The following VAV1 variants were observed in gnomAD, a reference collection of about 807,000 sequenced individuals.
The protein encoded by VAV1 is proto-oncogene vav.
Under a neutral mutation model 128.1 loss-of-function variants are expected in VAV1, and 33 were observed. The ratio of observed to expected loss-of-function variants is 0.26; its 90% confidence interval spans 0.20 to 0.34. The LOEUF is 0.34. VAV1 is among the 10% of genes least tolerant of loss of function. VAV1 has a pLI of 1.00. For synonymous variants in VAV1, 394 were observed against 409.8 expected (o/e 0.96, Z 0.47); for missense variants, 715 against 1,093.7 (o/e 0.65, Z 4.88).
At chr19:6,848,743 T>C (rs558823221) in intron 23 of VAV1, among the ~76,000 whole-genome samples, 130 of 151,778 alleles carry the variant, frequency 8.6e-4, no homozygotes, top group Non-Finnish European at 1.1e-3. Flanking sequence ...ATATATGTTT[T>C]TTCTTTTTTT....
intron 23 of VAV1, among the ~76,000 whole-genome samples, chr19:6,849,857 C>T (rs10424474): frequency 0.028 from 4,327 of 152,150 alleles, 213 homozygotes; most frequent in African/African-American, 0.099. Flanking sequence ...CTGGGTCGAT[C>T]CATGTCTTTG....
intron 1 of VAV1, among the ~76,000 whole-genome samples, chr19:6,785,876 C>A (rs1435143988): frequency 6.6e-6 from 1 of 151,946 alleles, no homozygotes; most frequent in Non-Finnish European, 1.5e-5. Context: ...GCCAGCTGGT[C>A]TTGAACTCAT....
At chr19:6,837,133 C>A (rs763059084) in intron 21 of VAV1, 83 bp downstream of exon 21, 279 of 1,455,060 alleles carry the variant, frequency 1.9e-4, no homozygotes, top group Non-Finnish European at 2.4e-4. Context: ...GAAAGACACC[C>A]CCGGAGTTGG....
intron 1 of VAV1, among the ~76,000 whole-genome samples, chr19:6,806,452 G>A (rs1354094033): frequency 6.6e-6 from 1 of 152,120 alleles, no homozygotes; most frequent in Non-Finnish European, 1.5e-5. Flanking sequence ...ACTCGTATGT[G>A]GGTTTTAAGT....
intron 22 of VAV1, among the ~76,000 whole-genome samples, chr19:6,844,643 A>C (rs1279082486): frequency 6.6e-6 from 1 of 152,096 alleles, no homozygotes; most frequent in Non-Finnish European, 1.5e-5. Context: ...AGGCAAAACC[A>C]GTTGCCGAGG....
intron 14 of VAV1, among the ~76,000 whole-genome samples, chr19:6,831,339 G>A (rs1325190489): frequency 2.0e-5 from 3 of 152,028 alleles, no homozygotes; most frequent in South Asian, 4.2e-4. Context: ...TTGAGACGGA[G>A]CCTCGCTCTG....
intron 6 of VAV1, among the ~76,000 whole-genome samples, chr19:6,824,463 A>G (rs1186934859): frequency 6.6e-6 from 1 of 152,078 alleles, no homozygotes; most frequent in African/African-American, 2.4e-5. Flanking sequence ...GTTCATCCAC[A>G]TTGTAGCCTG....
intron 1 of VAV1, among the ~76,000 whole-genome samples, chr19:6,814,673 T>TTTCTTTCTTTC (rs1971592254): frequency 1.1e-5 from 1 of 93,006 alleles, no homozygotes. Context: ...CCTTCCTTCC[T>TTTCTTTCTTTC]TTCTTTCTTT....
intron 19 of VAV1, among the ~76,000 whole-genome samples, chr19:6,834,323 AACCTCC>A (rs1972165955): frequency 6.7e-6 from 1 of 150,224 alleles, no homozygotes. Flanking sequence ...GGCTCACTAC[AACCTCC>A]ACCTCCCAAG....
chr19:6,810,015 A>T, intron 1 of VAV1, among the ~76,000 whole-genome samples: 1 of 152,082 alleles, frequency 6.6e-6, no homozygotes, highest in East Asian at 1.9e-4. Context: ...TACAAAAAAT[A>T]AAAATAAAAA....
chr19:6,852,255 A>T (rs111872116), intron 24 of VAV1, among the ~76,000 whole-genome samples: 1 of 152,086 alleles, frequency 6.6e-6, no homozygotes, highest in African/African-American at 2.4e-5. Flanking sequence ...CTTCAAGTGA[A>T]CTTCCCACCT....
intron 8 of VAV1, 132 bp downstream of exon 8, chr19:6,825,538 T>C: frequency 1.4e-6 from 1 of 699,764 alleles, no homozygotes; most frequent in Non-Finnish European, 2.4e-6. Context: ...GGCGAGGGGC[T>C]GCCCATCTCT....
chr19:6,844,697 C>T (rs1169144889), intron 22 of VAV1, among the ~76,000 whole-genome samples: 1 of 152,138 alleles, frequency 6.6e-6, no homozygotes, highest in Non-Finnish European at 1.5e-5. Context: ...GAATCGTGCT[C>T]TCCTGCGTTA....
intron 1 of VAV1, among the ~76,000 whole-genome samples, chr19:6,817,763 C>T (rs432280): frequency 0.027 from 4,116 of 152,032 alleles, 85 homozygotes; most frequent in Non-Finnish European, 0.044. Context: ...CGTGGCTCAC[C>T]GCAGCCTCCA....
intron 22 of VAV1, among the ~76,000 whole-genome samples, chr19:6,845,867 T>A (rs1972507953): frequency 6.8e-6 from 1 of 148,138 alleles, no homozygotes; most frequent in South Asian, 2.2e-4. Flanking sequence ...ATACCATATA[T>A]CATAGTATAT....
chr19:6,839,849 C>T (rs1972326921), intron 21 of VAV1, among the ~76,000 whole-genome samples: 1 of 151,974 alleles, frequency 6.6e-6, no homozygotes, highest in Admixed American at 6.6e-5. Context: ...TACCACCATG[C>T]CTGGCTAATT....
intron 1 of VAV1, among the ~76,000 whole-genome samples, chr19:6,808,991 C>T (rs1318835027): frequency 6.6e-6 from 1 of 151,940 alleles, no homozygotes; most frequent in African/African-American, 2.4e-5. Context: ...AAGAAAGCAA[C>T]AGGAGAAGTT....
chr19:6,843,809 G>A (rs1972440795), intron 22 of VAV1, among the ~76,000 whole-genome samples: 1 of 148,472 alleles, frequency 6.7e-6, no homozygotes, highest in Non-Finnish European at 1.5e-5. Flanking sequence ...ATGCATGGTT[G>A]TTTTTTTTTT....
chr19:6,813,766 T>C (rs932599532), intron 1 of VAV1, among the ~76,000 whole-genome samples: 23 of 152,076 alleles, frequency 1.5e-4, no homozygotes, highest in Admixed American at 1.5e-3. Flanking sequence ...AAAACTTGAG[T>C]CTTGGGGCTG....
Sources: allele counts gnomAD v4.1 joint callset (sites outside exome capture counted in the v4.1 genomes callset), GRCh38; gene constraint gnomAD v4.1.1; transcripts MANE v1.5; gene names NCBI Gene and HGNC (gene_info 2026-07-23, HGNC 2026-07-21).